MBNL2: variants seen among roughly 807,000 people sequenced by gnomAD.
MBNL2 encodes muscleblind-like protein 2.
Under a neutral mutation model 41.9 loss-of-function variants are expected in MBNL2, and 17 were observed. The ratio of observed to expected loss-of-function variants is 0.41; its 90% CI spans 0.28 to 0.61. MBNL2 has a LOEUF of 0.61. Among genes scored for constraint, MBNL2 ranks in the 20% least tolerant of loss-of-function variants. MBNL2 has a pLI of 0.35. For synonymous variants in MBNL2, 195 were observed against 182.9 expected, an observed-to-expected ratio of 1.07 and a Z score of -0.53; for missense variants, 336 against 505.6, an observed-to-expected ratio of 0.66 and a Z score of 3.22.
intron 2 of MBNL2, among the ~76,000 whole-genome samples, chr13:97,329,544 C>T (rs916256231): frequency 3.9e-5 from 5 of 128,320 alleles, no homozygotes; most frequent in African/African-American, 1.2e-4. Context: ...TAGAGAGCTG[C>T]GTGCCTGCCC....
At chr13:97,380,812 C>T (rs1294241060) in intron 8 of MBNL2, among the ~76,000 whole-genome samples, 1 of 152,018 alleles carries the variant, frequency 6.6e-6, no homozygotes, top group African/African-American at 2.4e-5. Flanking sequence ...CTTTGGTTTC[C>T]ATTTTGCCGA....
rs142270098 is a variant in MBNL2 at position 97,242,813 on chromosome 13, G to C, written c.-605+20282G>C. 3.3e-3 allele frequency among the ~76,000 whole-genome samples: 495 copies of C among 151,662 alleles called. 2 individuals carry two copies. The highest frequency in any genetic ancestry group is 0.011 in the African/African-American group (474 of 41,344). On this transcript the variant is annotated intron_variant, in intron 1 of 8. Transcript: ENST00000679496. ...CTGTACGTTGCTTGATTGACAGTTT[G>C]AGAACAGTTAAGCTTGGATCTGTGG...
rs957706697 is a variant in MBNL2 at position 97,309,556 on chromosome 13, C to T, written c.175-24720C>T. Among the ~76,000 whole-genome samples the T allele has an allele frequency of 2.0e-5, 3 of 152,274 alleles. No individual in the cohort carries two copies. In the South Asian group the frequency reaches 6.2e-4, roughly 32 times the overall value. On this transcript the variant is annotated intron_variant, in intron 2 of 8. Coordinates refer to ENST00000679496, the MANE Select transcript of MBNL2 (RefSeq NM_001382683.1). Reference sequence around the variant, plus strand: ...TTTTCCTCAGGGCCCTCAGAAGGAACCAACCCAGCACACACCTTGATCTTG... The same window carrying T: ...TTTTCCTCAGGGCCCTCAGAAGGAATCAACCCAGCACACACCTTGATCTTG...
the MBNL2 span, among the ~76,000 whole-genome samples, chr13:97,149,638 C>T: frequency 1.3e-5 from 2 of 152,124 alleles, no homozygotes; most frequent in African/African-American, 2.4e-5. Flanking sequence ...CTCCAATTTA[C>T]AGAAGAGAAG....
chr13:97,262,208 G>C (rs1389497439), intron 1 of MBNL2, among the ~76,000 whole-genome samples: 1 of 152,160 alleles, frequency 6.6e-6, no homozygotes, highest in Non-Finnish European at 1.5e-5. Context: ...TCTTGCAGCA[G>C]CAAGTGCTCC....
At chr13:97,329,965 C>G (rs1460699902) in intron 2 of MBNL2, among the ~76,000 whole-genome samples, 1 of 152,180 alleles carries the variant, frequency 6.6e-6, no homozygotes, top group African/African-American at 2.4e-5. Flanking sequence ...CCTCTCCCAC[C>G]ATTCCTTCTC....
At chr13:97,347,256 C>T (rs924927933) in intron 5 of MBNL2, among the ~76,000 whole-genome samples, 189 bp downstream of exon 5, 1 of 152,214 alleles carries the variant, frequency 6.6e-6, no homozygotes, top group African/African-American at 2.4e-5. Context: ...TGCCCCCCTT[C>T]AGCACAATAA....
the MBNL2 span, among the ~76,000 whole-genome samples, chr13:97,166,019 A>C: frequency 6.6e-6 from 1 of 152,184 alleles, no homozygotes; most frequent in Non-Finnish European, 1.5e-5. Flanking sequence ...AGTAAATAGA[A>C]AGCCTTTCTG....
intron 2 of MBNL2, among the ~76,000 whole-genome samples, chr13:97,319,332 T>G (rs1424433996): frequency 6.6e-6 from 1 of 152,152 alleles, no homozygotes; most frequent in Admixed American, 6.5e-5. Flanking sequence ...TTCTGGGGAC[T>G]TGGGTCTCAC....
intron 1 of MBNL2, among the ~76,000 whole-genome samples, chr13:97,270,721 G>GCA (rs1181484722): frequency 2.0e-5 from 3 of 152,174 alleles, no homozygotes; most frequent in African/African-American, 7.2e-5. Flanking sequence ...TGGCAGGCTA[G>GCA]TAAGTCCAAT....
At chr13:97,220,739 A>C (rs1452618391), upstream of MBNL2, among the ~76,000 whole-genome samples, 1 of 152,122 alleles carries the variant, frequency 6.6e-6, no homozygotes, top group African/African-American at 2.4e-5. Context: ...GGGAGGGAAA[A>C]TCAACAAGGC....
chr13:97,144,171 C>A, the MBNL2 span, among the ~76,000 whole-genome samples: 1 of 151,594 alleles, frequency 6.6e-6, no homozygotes, highest in Admixed American at 6.6e-5. Flanking sequence ...GATGTGGTGC[C>A]ACGTGGAGTG....
rs187707734 is a variant in MBNL2, at chr13:97,330,461, G to C, written c.175-3815G>C. 2.3e-3 allele frequency among the ~76,000 whole-genome samples: 352 copies of C among 152,320 alleles called. 1 individual carries two copies. The highest frequency in any genetic ancestry group is 3.9e-3 in the Non-Finnish European group (267 of 68,032). ...TCCCTCCCTTATCTCTCCAGAAATA[G>C]TGTGTTACCAAGAACTAAAAGGGAG... On this transcript the variant is annotated intron_variant, in intron 2 of 8. Transcript: ENST00000679496.
chr13:97,273,606 C>T (rs1235946392), intron 1 of MBNL2, among the ~76,000 whole-genome samples: 1 of 152,226 alleles, frequency 6.6e-6, no homozygotes, highest in Non-Finnish European at 1.5e-5. Context: ...CTCATGCAAA[C>T]ACTTTTATTA....
At position 97,391,492 on chromosome 13, in the gene MBNL2, C is replaced by G; in HGVS notation, c.*43C>G. The stretch of plus-strand genomic sequence containing the variant: ...CTGGACAGACCACAACTCTAAGAAG[C>G]TAGTGCTGCTATCTCATATATGAGT... On this transcript the variant is annotated 3_prime_UTR_variant, in exon 9 of 9. Coordinates refer to ENST00000679496, the MANE Select transcript of MBNL2 (RefSeq NM_001382683.1). 1.2e-6 allele frequency: 1 copy of G among 832,734 alleles called. No homozygotes were observed. The highest frequency in any genetic ancestry group is 2.1e-6 in the Non-Finnish European group (1 of 472,748). 51.6% of individuals were successfully genotyped at this position (832,734 alleles called of 1,614,324 possible).
intron 2 of MBNL2, among the ~76,000 whole-genome samples, chr13:97,287,927 T>C (rs1432753804): frequency 1.9e-5 from 2 of 106,086 alleles, no homozygotes; most frequent in African/African-American, 6.3e-5. Flanking sequence ...TGTTTTTTTT[T>C]TGTTTTGTTT....
intron 8 of MBNL2, among the ~76,000 whole-genome samples, chr13:97,371,359 T>C (rs1274717708): frequency 6.6e-6 from 1 of 152,166 alleles, no homozygotes; most frequent in Non-Finnish European, 1.5e-5. Flanking sequence ...CCCTGTCCTC[T>C]GAATTCTACA....
chr13:97,305,079 C>T (rs1594185163), intron 2 of MBNL2, among the ~76,000 whole-genome samples: 1 of 152,316 alleles, frequency 6.6e-6, no homozygotes, highest in African/African-American at 2.4e-5. Flanking sequence ...TAATTACCAG[C>T]CCACCCTGGA....
In MBNL2 at chr13:97,233,143, A is replaced by G. The variant is rs1279689027; in HGVS notation, c.-605+10612A>G. Among the ~76,000 whole-genome samples, 14 of 78,692 alleles carry G rather than the reference A, an allele frequency of 1.8e-4. No homozygotes were observed. In the East Asian group the frequency reaches 9.6e-3, roughly 54 times the overall value. The allele number at this position is 78,692 out of a possible 152,430, so 51.6% of individuals were successfully genotyped here. The stretch of plus-strand genomic sequence containing the variant: ...CTCTTTTTCATATATATATATATAT[A>G]TATATATATATATATATATATATAT... On this transcript the variant is annotated intron_variant, in intron 1 of 8. Coordinates refer to ENST00000679496, the MANE Select transcript of MBNL2 (RefSeq NM_001382683.1).
Sources: gnomAD v4.1 joint callset for allele counts (sites outside exome capture counted in the v4.1 genomes callset) on GRCh38, gnomAD v4.1.1 for gene constraint, MANE v1.5 for transcripts, NCBI Gene and HGNC (gene_info 2026-07-23, HGNC 2026-07-21) for gene names.